The following SENP6 variants were observed in gnomAD, a reference collection of about 807,000 sequenced individuals.
SENP6 encodes the protein SUMO specific peptidase 6, also known as sentrin-specific protease 6.
SENP6 carries 41 observed loss-of-function variants against 134.5 expected under a neutral mutation model. That is an observed-to-expected ratio of 0.30 (90% confidence interval 0.24 to 0.40). SENP6 has a LOEUF of 0.40. SENP6 is among the 10% of genes least tolerant of loss of function. The probability of loss-of-function intolerance (pLI) is 1.00; values close to 1 mark genes in which losing one functional copy is unlikely to be tolerated. For missense variants in SENP6, 1,248 were observed against 1,312.5 expected (o/e 0.95, Z 0.76); for synonymous variants, 395 against 429.8 (o/e 0.92, Z 1.00).
At chr6:75,621,735 C>A in intron 2 of SENP6, 110 bp downstream of exon 2, 1 of 617,784 alleles carries the variant, frequency 1.6e-6, no homozygotes, top group Non-Finnish European at 2.8e-6. Flanking sequence ...CTTAAGAAAA[C>A]ATATAACTCT....
chr6:75,667,364 C>G (rs754568103), intron 10 of SENP6, among the ~76,000 whole-genome samples: 1 of 152,018 alleles, frequency 6.6e-6, no homozygotes, highest in African/African-American at 2.4e-5. Context: ...GTATCTAGGA[C>G]AACTATTTGT....
intron 19 of SENP6, among the ~76,000 whole-genome samples, chr6:75,706,323 T>C (rs1410942030): frequency 6.6e-6 from 1 of 152,190 alleles, no homozygotes; most frequent in Non-Finnish European, 1.5e-5. Context: ...CTGTATGCTT[T>C]AAATGGCTGT....
chr6:75,693,902 A>G (rs1299517483), intron 16 of SENP6, among the ~76,000 whole-genome samples: 1 of 152,204 alleles, frequency 6.6e-6, no homozygotes, highest in Non-Finnish European at 1.5e-5. Context: ...CCTTTGTGAT[A>G]TAAACGACTA....
intron 16 of SENP6, among the ~76,000 whole-genome samples, chr6:75,682,052 G>A (rs1773500445): frequency 6.6e-6 from 1 of 151,916 alleles, no homozygotes; most frequent in Non-Finnish European, 1.5e-5. Flanking sequence ...AAAGAAAAAG[G>A]ATGGAAAAGA....
intron 6 of SENP6, among the ~76,000 whole-genome samples, chr6:75,647,081 T>G (rs1373040420): frequency 6.6e-6 from 1 of 152,184 alleles, no homozygotes; most frequent in Admixed American, 6.5e-5. Flanking sequence ...CTCTTTTATT[T>G]TTATGTGGTT....
At chr6:75,705,280 C>G (rs1562072351) in intron 19 of SENP6, among the ~76,000 whole-genome samples, 1 of 152,140 alleles carries the variant, frequency 6.6e-6, no homozygotes, top group Non-Finnish European at 1.5e-5. Context: ...GGTGTGGTGG[C>G]TCACGCCTGT....
chr6:75,671,313 A>G (rs893459485), intron 11 of SENP6, among the ~76,000 whole-genome samples: 3 of 152,190 alleles, frequency 2.0e-5, no homozygotes, highest in African/African-American at 7.2e-5. Flanking sequence ...TTAATTGTAA[A>G]GCACTGTATG....
chr6:75,686,413 T>C (rs2149886953), intron 16 of SENP6, among the ~76,000 whole-genome samples: 1 of 152,342 alleles, frequency 6.6e-6, no homozygotes, highest in East Asian at 1.9e-4. Flanking sequence ...TTAACATTGT[T>C]ATGTGTGAAT....
At chr6:75,603,777 A>G (rs1341796126) in intron 1 of SENP6, among the ~76,000 whole-genome samples, 1 of 152,104 alleles carries the variant, frequency 6.6e-6, no homozygotes, top group African/African-American at 2.4e-5. Context: ...TAATAGAGGT[A>G]ATTTTTCTTA....
intron 1 of SENP6, among the ~76,000 whole-genome samples, chr6:75,609,658 C>A (rs533972102): frequency 6.6e-6 from 1 of 152,166 alleles, no homozygotes; most frequent in Non-Finnish European, 1.5e-5. Flanking sequence ...CAAAATCCAA[C>A]TTTTGGACAG....
intron 9 of SENP6, among the ~76,000 whole-genome samples, chr6:75,664,242 A>G (rs957690136): frequency 6.6e-6 from 1 of 151,858 alleles, no homozygotes; most frequent in Non-Finnish European, 1.5e-5. Flanking sequence ...CCAGGGCAAT[A>G]TAGTAGGACC....
chr6:75,647,443 G>A (rs1436553943), intron 6 of SENP6: 4 of 233,064 alleles, frequency 1.7e-5, no homozygotes, highest in Admixed American at 1.1e-4. Context: ...TGCTGATCTT[G>A]TACGTAACGT....
intron 7 of SENP6, among the ~76,000 whole-genome samples, chr6:75,657,974 A>C (rs1771474716): frequency 6.6e-6 from 1 of 152,116 alleles, no homozygotes; most frequent in Non-Finnish European, 1.5e-5. Flanking sequence ...ATTTAATTAG[A>C]GTATTAGAAT....
At chr6:75,640,532 T>G (rs1769945738) in intron 5 of SENP6, among the ~76,000 whole-genome samples, 152 bp from the exon 6 acceptor site, 1 of 151,902 alleles carries the variant, frequency 6.6e-6, no homozygotes, top group Admixed American at 6.6e-5. Context: ...TAGACATGAC[T>G]CAAAACATAG....
chr6:75,604,864 G>A (rs575217514), intron 1 of SENP6, among the ~76,000 whole-genome samples: 1 of 152,116 alleles, frequency 6.6e-6, no homozygotes, highest in South Asian at 2.1e-4. Flanking sequence ...CCTGAGGTCA[G>A]GAGTTTGAGA....
chr6:75,648,848 C>T (rs1582762133), intron 7 of SENP6, among the ~76,000 whole-genome samples: 1 of 152,162 alleles, frequency 6.6e-6, no homozygotes, highest in East Asian at 1.9e-4. Flanking sequence ...AAAACTTCCT[C>T]AAGGACATAG....
At chr6:75,696,242 T>C (rs1167926745) in intron 17 of SENP6, among the ~76,000 whole-genome samples, 3 of 152,250 alleles carry the variant, frequency 2.0e-5, no homozygotes, top group African/African-American at 7.2e-5. Flanking sequence ...ACTTTCAGAA[T>C]ACCTGGAATT....
chr6:75,636,559 T>G (rs1769529464), intron 5 of SENP6, among the ~76,000 whole-genome samples: 1 of 152,124 alleles, frequency 6.6e-6, no homozygotes, highest in Non-Finnish European at 1.5e-5. Context: ...TAGAGATTGA[T>G]TAGGGTACAG....
chr6:75,684,043 TC>T (rs540544264), intron 16 of SENP6, among the ~76,000 whole-genome samples: 213 of 152,334 alleles, frequency 1.4e-3, no homozygotes, highest in African/African-American at 4.7e-3. Context: ...GGAATATTCT[TC>T]CATTTGTTTG....
Sources: allele counts gnomAD v4.1 joint callset (sites outside exome capture counted in the v4.1 genomes callset), GRCh38; gene constraint gnomAD v4.1.1; transcripts MANE v1.5; gene names NCBI Gene and HGNC (gene_info 2026-07-23, HGNC 2026-07-21).